Variants in SUGCT observed in about 807,000 individuals in gnomAD.
SUGCT encodes the protein succinyl-CoA:glutarate CoA-transferase.
A neutral mutation model predicts 55.0 loss-of-function variants in SUGCT; 41 were observed. That is an observed-to-expected ratio of 0.74 (90% CI 0.58 to 0.97). The LOEUF (loss-of-function observed/expected upper bound fraction) is 0.97. Ranked by LOEUF, SUGCT falls within the 50% of genes least tolerant of loss-of-function variation. The pLI, the probability that SUGCT is intolerant of heterozygous loss-of-function variation, is 0.00. For missense variants in SUGCT, 568 were observed against 547.8 expected (o/e 1.04, Z -0.37); for synonymous variants, 187 against 200.4 (o/e 0.93, Z 0.56).
At chr7:40,695,106 G>C (rs1261039073) in intron 12 of SUGCT, among the ~76,000 whole-genome samples, 1 of 151,968 alleles carries the variant, frequency 6.6e-6, no homozygotes, top group African/African-American at 2.4e-5. Context: ...GCCTTAAGAT[G>C]CCTTAGACTT....
At chr7:40,368,396 A>G (rs1489023810) in intron 9 of SUGCT, among the ~76,000 whole-genome samples, 2 of 151,934 alleles carry the variant, frequency 1.3e-5, no homozygotes, top group African/African-American at 4.8e-5. Flanking sequence ...ATGTGGTTTC[A>G]CTGTGGTGGC....
At chr7:40,143,576 C>T (rs1788096573) in intron 1 of SUGCT, among the ~76,000 whole-genome samples, 1 of 152,264 alleles carries the variant, frequency 6.6e-6, no homozygotes, top group African/African-American at 2.4e-5. Flanking sequence ...ATAACAATTG[C>T]TTTTGTTTAA....
intron 12 of SUGCT, among the ~76,000 whole-genome samples, chr7:40,743,398 A>T (rs995206752): frequency 6.6e-6 from 1 of 152,218 alleles, no homozygotes; most frequent in Non-Finnish European, 1.5e-5. Context: ...AATTTAATTT[A>T]AAAAAATTCA....
chr7:40,414,685 C>A (rs1786873259), intron 9 of SUGCT, among the ~76,000 whole-genome samples: 1 of 151,702 alleles, frequency 6.6e-6, no homozygotes, highest in Non-Finnish European at 1.5e-5. Flanking sequence ...GGCGGGCAGA[C>A]CACTTGAGAT....
At chr7:40,138,620 A>G (rs1787818995) in intron 1 of SUGCT, among the ~76,000 whole-genome samples, 1 of 151,704 alleles carries the variant, frequency 6.6e-6, no homozygotes, top group Admixed American at 6.6e-5. Context: ...CCAACAGTGT[A>G]TAAGAAGAGT....
At chr7:40,996,864 A>G in the SUGCT span, among the ~76,000 whole-genome samples, 1 of 152,226 alleles carries the variant, frequency 6.6e-6, no homozygotes, top group African/African-American at 2.4e-5. Flanking sequence ...CTCAATTTAT[A>G]GCCACCTGTA....
At chr7:40,339,160 G>T (rs957466048) in intron 9 of SUGCT, among the ~76,000 whole-genome samples, 2 of 152,112 alleles carry the variant, frequency 1.3e-5, no homozygotes, top group East Asian at 1.9e-4. Flanking sequence ...TGCCCCTACT[G>T]GGGGGTACCT....
At chr7:40,699,687 G>A (rs1249323297) in intron 12 of SUGCT, among the ~76,000 whole-genome samples, 9 of 151,968 alleles carry the variant, frequency 5.9e-5, no homozygotes, top group Admixed American at 3.3e-4. Context: ...TGGTCAATAC[G>A]GTGAAACCTC....
chr7:40,832,229 C>T (rs547141337), intron 13 of SUGCT, among the ~76,000 whole-genome samples: 3 of 152,198 alleles, frequency 2.0e-5, no homozygotes, highest in South Asian at 2.1e-4. Flanking sequence ...GTTCTTGCTC[C>T]GCTTCCTTAT....
At chr7:40,442,490 C>A (rs190979066) in intron 9 of SUGCT, among the ~76,000 whole-genome samples, 1 of 150,978 alleles carries the variant, frequency 6.6e-6, no homozygotes, top group Admixed American at 6.6e-5. Context: ...TTTTTTTTTC[C>A]GTCTTATATT....
At chr7:40,514,554 C>T (rs1583872508) in intron 12 of SUGCT, among the ~76,000 whole-genome samples, 1 of 151,570 alleles carries the variant, frequency 6.6e-6, no homozygotes, top group Non-Finnish European at 1.5e-5. Context: ...ATTAAAAAGA[C>T]AAAAAATTAG....
intron 12 of SUGCT, among the ~76,000 whole-genome samples, chr7:40,646,565 G>A (rs1483436050): frequency 6.6e-6 from 1 of 151,800 alleles, no homozygotes; most frequent in African/African-American, 2.4e-5. Flanking sequence ...ATTTTTACTG[G>A]GCTAGTGCTT....
chr7:40,227,344 C>T (rs1788438526), intron 6 of SUGCT, among the ~76,000 whole-genome samples: 1 of 152,132 alleles, frequency 6.6e-6, no homozygotes, highest in South Asian at 2.1e-4. Flanking sequence ...GCCACCACAC[C>T]TGGCCAGTAT....
chr7:40,735,128 C>G (rs1787089382), intron 12 of SUGCT, among the ~76,000 whole-genome samples: 1 of 152,144 alleles, frequency 6.6e-6, no homozygotes, highest in Non-Finnish European at 1.5e-5. Context: ...TTGTGGACTC[C>G]TGTGCTGGAG....
intron 13 of SUGCT, among the ~76,000 whole-genome samples, chr7:40,779,020 C>A (rs1386219191): frequency 6.6e-6 from 1 of 152,134 alleles, no homozygotes; most frequent in Non-Finnish European, 1.5e-5. Context: ...TGAGCAGAGA[C>A]CCTGGGGAAA....
chr7:40,226,987 A>T (rs1254676013), intron 6 of SUGCT, among the ~76,000 whole-genome samples: 3 of 150,892 alleles, frequency 2.0e-5, no homozygotes, highest in Non-Finnish European at 4.4e-5. Context: ...TTTTTTTAAC[A>T]TCTTATTGTG....
At chr7:40,315,343 T>C (rs1795368383) in intron 8 of SUGCT, among the ~76,000 whole-genome samples, 1 of 152,224 alleles carries the variant, frequency 6.6e-6, no homozygotes, top group South Asian at 2.1e-4. Flanking sequence ...ACAGAAGTGA[T>C]CTGTGAAATG....
intron 12 of SUGCT, among the ~76,000 whole-genome samples, chr7:40,723,872 C>G (rs1786475739): frequency 6.6e-6 from 1 of 152,216 alleles, no homozygotes; most frequent in Non-Finnish European, 1.5e-5. Context: ...ACCTCTATCA[C>G]CAGTTCCTAC....
chr7:40,609,506 A>G (rs1227606316), intron 12 of SUGCT, among the ~76,000 whole-genome samples: 8 of 151,106 alleles, frequency 5.3e-5, no homozygotes, highest in Non-Finnish European at 1.2e-4. Context: ...GGTGGAGCTT[A>G]CAGTAAGCAG....
Sources: allele counts gnomAD v4.1 joint callset (sites outside exome capture counted in the v4.1 genomes callset), GRCh38; gene constraint gnomAD v4.1.1; transcripts MANE v1.5; gene names NCBI Gene and HGNC (gene_info 2026-07-23, HGNC 2026-07-21).